Variants in ADORA1 observed in about 807,000 individuals in gnomAD.
The protein encoded by ADORA1 is adenosine A1 receptor.
ADORA1 carries 6 observed loss-of-function variants against 19.9 expected under a neutral mutation model. That is an observed-to-expected ratio of 0.30 (90% CI 0.17 to 0.59). ADORA1 has a LOEUF of 0.59. Among genes scored for constraint, ADORA1 ranks in the 20% least tolerant of loss-of-function variants. The probability of loss-of-function intolerance (pLI) is 0.87; values close to 1 mark genes in which losing one functional copy is unlikely to be tolerated. For missense variants in ADORA1, 302 were observed against 439.2 expected, an observed-to-expected ratio of 0.69 and a Z score of 2.79; for synonymous variants, 194 against 188.4, an observed-to-expected ratio of 1.03 and a Z score of -0.24.
intron 3 of ADORA1, among the ~76,000 whole-genome samples, chr1:203,152,060 A>G (rs577067879): frequency 6.6e-6 from 1 of 152,130 alleles, no homozygotes; most frequent in Non-Finnish European, 1.5e-5. Context: ...GATTTGACAC[A>G]TTCCAGAAGA....
intron 3 of ADORA1, among the ~76,000 whole-genome samples, chr1:203,135,367 T>C (rs536145107): frequency 1.3e-5 from 2 of 152,280 alleles, no homozygotes; most frequent in African/African-American, 4.8e-5. Context: ...TCTATTAAAA[T>C]AAAAGTTGAG....
In ADORA1 at chr1:203,166,115, A is replaced by G; in HGVS notation, c.*215A>G. The G allele has an allele frequency of 3.6e-6, 2 of 556,352 alleles. No individual in the cohort carries two copies. The highest frequency in any genetic ancestry group is 5.7e-6 in the Non-Finnish European group (2 of 352,648). 34.5% of individuals were successfully genotyped at this position (556,352 alleles called of 1,614,324 possible). ...GCCCTGCAGGAGGCCTGGGAGGGCA[A>G]GGGTCCTACGGAGGGACCAGGTGTC... On this transcript the variant is annotated 3_prime_UTR_variant, in exon 4 of 4. Coordinates refer to ENST00000337894, the MANE Select transcript of ADORA1 (RefSeq NM_000674.3).
chr1:203,147,288 C>G (rs535674076), intron 3 of ADORA1, among the ~76,000 whole-genome samples: 8 of 152,304 alleles, frequency 5.3e-5, no homozygotes, highest in African/African-American at 1.9e-4. Context: ...TCTTTGCCCT[C>G]TCTTCTCCCA....
intron 3 of ADORA1, among the ~76,000 whole-genome samples, chr1:203,133,089 A>G (rs1180102045): frequency 1.3e-5 from 2 of 149,214 alleles, no homozygotes; most frequent in East Asian, 3.9e-4. Context: ...AGTAGAGCTT[A>G]TTGTTACCCC....
At chr1:203,158,788 T>A (rs562337954) in intron 3 of ADORA1, among the ~76,000 whole-genome samples, 170 of 152,322 alleles carry the variant, frequency 1.1e-3, no homozygotes, top group African/African-American at 4.0e-3. Context: ...AGGGTCTGCA[T>A]CTGACAAGGG....
At chr1:203,133,528 T>A (rs1390028018) in intron 3 of ADORA1, among the ~76,000 whole-genome samples, 1 of 152,236 alleles carries the variant, frequency 6.6e-6, no homozygotes, top group African/African-American at 2.4e-5. Flanking sequence ...GCCTAACAGA[T>A]GCCTTTAACC....
At position 203,165,516 on chromosome 1, in the gene ADORA1, C is replaced by T. The variant is rs1190462959; in HGVS notation, c.597C>T (p.Ile199=). 3.7e-6 allele frequency: 6 copies of T among 1,613,498 alleles called. No individual in the cohort carries two copies. In the African/African-American group the frequency reaches 8.0e-5, roughly 22 times the overall value. The change falls in exon 4 of 4, where the codon ATC becomes ATT. Residue 199 remains isoleucine, a synonymous_variant. Transcript: ENST00000337894. This position sits in a 1 kb window ranked among gnomAD's most constrained non-coding sequence, Gnocchi z 5.9. The part of the protein sequence containing the change: ...VLPPLLLMVL[I]YLEVFYLIRK... ...CCCCGCTTCTCCTCATGGTCCTCAT[C>T]TACCTGGAGGTCTTCTACCTAATCC...
intron 3 of ADORA1, among the ~76,000 whole-genome samples, chr1:203,145,907 C>T (rs1173181964): frequency 2.0e-5 from 3 of 152,182 alleles, no homozygotes; most frequent in Non-Finnish European, 4.4e-5. Flanking sequence ...TTGGCAAACC[C>T]GGCCTTGGGG....
intron 3 of ADORA1, among the ~76,000 whole-genome samples, chr1:203,137,262 A>G (rs7549561): frequency 0.44 from 67,082 of 152,026 alleles, 15,607 homozygotes; most frequent in African/African-American, 0.59. Context: ...AGGCCCTAGC[A>G]TAGGAATGTA....
intron 3 of ADORA1, among the ~76,000 whole-genome samples, chr1:203,149,245 A>G (rs1419565163): frequency 6.6e-6 from 1 of 152,166 alleles, no homozygotes; most frequent in Admixed American, 6.5e-5. Flanking sequence ...TGGAAAAAAA[A>G]GGCTTTGATT....
intron 3 of ADORA1, among the ~76,000 whole-genome samples, chr1:203,146,167 G>C (rs1001948650): frequency 2.0e-5 from 3 of 152,080 alleles, no homozygotes; most frequent in South Asian, 4.2e-4. Context: ...TGTCAGGGGT[G>C]GGGGAGGGGC....
At chr1:203,161,240 A>G (rs990707902) in intron 3 of ADORA1, among the ~76,000 whole-genome samples, 2 of 152,146 alleles carry the variant, frequency 1.3e-5, no homozygotes, top group Admixed American at 6.5e-5. Flanking sequence ...TTTTCATGTT[A>G]TCATCATCAA....
intron 3 of ADORA1, among the ~76,000 whole-genome samples, chr1:203,160,309 A>G (rs1655322438): frequency 6.6e-6 from 1 of 152,228 alleles, no homozygotes; most frequent in African/African-American, 2.4e-5. Flanking sequence ...AGATTTTGGA[A>G]TATTTGCATT....
At chr1:203,129,671 GGCAC>G (rs1459145982) in intron 3 of ADORA1, 1 of 156,378 alleles carries the variant, frequency 6.4e-6, no homozygotes, top group Non-Finnish European at 1.4e-5. Context: ...GCTTCCCAAA[GGCAC>G]GCTTTGGCTC....
chr1:203,138,019 C>G (rs1433611678), intron 3 of ADORA1, among the ~76,000 whole-genome samples: 1 of 152,020 alleles, frequency 6.6e-6, no homozygotes, highest in Non-Finnish European at 1.5e-5. Flanking sequence ...ATGAATGTAC[C>G]ATGATTTGTT....
intron 3 of ADORA1, among the ~76,000 whole-genome samples, chr1:203,139,357 A>T (rs909749265): frequency 6.6e-6 from 1 of 152,166 alleles, no homozygotes; most frequent in African/African-American, 2.4e-5. Context: ...CTCTCTCCTG[A>T]TTCTTCCCAT....
At chr1:203,161,685 C>A (rs1050088968) in intron 3 of ADORA1, among the ~76,000 whole-genome samples, 3 of 151,966 alleles carry the variant, frequency 2.0e-5, no homozygotes, top group African/African-American at 7.3e-5. Context: ...AATTCTCCTA[C>A]CTCAGCCTCC....
At chr1:203,144,119 C>CACAG (rs1400452877) in intron 3 of ADORA1, among the ~76,000 whole-genome samples, 1 of 147,070 alleles carries the variant, frequency 6.8e-6, no homozygotes, top group Non-Finnish European at 1.5e-5. Context: ...CACACACACA[C>CACAG]ACAGCTGTTC....
At chr1:203,147,577 G>A (rs1281988029) in intron 3 of ADORA1, among the ~76,000 whole-genome samples, 1 of 152,186 alleles carries the variant, frequency 6.6e-6, no homozygotes, top group African/African-American at 2.4e-5. Context: ...GGCATCTCCT[G>A]GGAGCTTGTT....
Sources: allele counts gnomAD v4.1 joint callset (sites outside exome capture counted in the v4.1 genomes callset), GRCh38; gene constraint gnomAD v4.1.1; non-coding constraint Gnocchi (gnomAD v3.1); transcripts MANE v1.5; gene names NCBI Gene and HGNC (gene_info 2026-07-23, HGNC 2026-07-21).